The following NCALD variants were observed in gnomAD, a reference collection of about 807,000 sequenced individuals.
NCALD encodes neurocalcin delta, also known as neurocalcin-delta.
In NCALD, 10 loss-of-function variants were observed where a neutral mutation model predicts 18.6. That is an observed-to-expected ratio of 0.54 (90% confidence interval 0.33 to 0.91). The LOEUF is 0.91. NCALD is among the 40% of genes least tolerant of loss of function. The pLI, the probability that NCALD is intolerant of heterozygous loss-of-function variation, is 0.03. For synonymous variants in NCALD, 88 were observed against 87.4 expected, an observed-to-expected ratio of 1.01 and a Z score of -0.04; for missense variants, 184 against 247.6, an observed-to-expected ratio of 0.74 and a Z score of 1.72.
chr8:102,057,403 C>T (rs1374245600), intron 1 of NCALD, among the ~76,000 whole-genome samples: 4 of 152,102 alleles, frequency 2.6e-5, no homozygotes, highest in African/African-American at 4.8e-5. Context: ...CTTCAACTTA[C>T]GACCTCAACA....
chr8:102,106,285 G>A (rs1196911561), intron 1 of NCALD, among the ~76,000 whole-genome samples: 1 of 151,776 alleles, frequency 6.6e-6, no homozygotes, highest in Non-Finnish European at 1.5e-5. Flanking sequence ...TGTTGGCCAG[G>A]CTGGTCTCAA....
intron 4 of NCALD, chr8:101,852,536 A>C (rs904615004): frequency 6.6e-6 from 1 of 152,214 alleles, no homozygotes; most frequent in Non-Finnish European, 1.5e-5. Context: ...TTCAGTCTCC[A>C]TCTTTGGGGC....
chr8:101,992,913 C>T (rs1821104291), intron 2 of NCALD, among the ~76,000 whole-genome samples: 1 of 150,816 alleles, frequency 6.6e-6, no homozygotes, highest in Non-Finnish European at 1.5e-5. Context: ...TCGAACAACC[C>T]TATAAAGTAG....
chr8:101,714,890 G>T (rs188652236), intron 2 of NCALD, among the ~76,000 whole-genome samples: 1 of 150,704 alleles, frequency 6.6e-6, no homozygotes, highest in Non-Finnish European at 1.5e-5. Context: ...CCAGCTACTC[G>T]GGAGGCTGAG....
chr8:101,917,324 C>T (rs1818006020), intron 2 of NCALD, among the ~76,000 whole-genome samples: 1 of 152,038 alleles, frequency 6.6e-6, no homozygotes, highest in African/African-American at 2.4e-5. Context: ...ACATCAACAT[C>T]TCTGGGATTC....
chr8:101,820,153 G>T (rs75018358), intron 4 of NCALD, among the ~76,000 whole-genome samples: 3,206 of 152,184 alleles, frequency 0.021, 116 homozygotes, highest in East Asian at 0.12. Flanking sequence ...AAGACAATTC[G>T]CCCATCTCCT....
chr8:101,769,574 C>A (rs143594540), intron 1 of NCALD, among the ~76,000 whole-genome samples: 3 of 152,046 alleles, frequency 2.0e-5, no homozygotes, highest in African/African-American at 7.2e-5. Flanking sequence ...CTAAAACCAG[C>A]AGGCATGATT....
At chr8:102,103,203 C>T (rs1056635130) in intron 1 of NCALD, among the ~76,000 whole-genome samples, 7 of 150,786 alleles carry the variant, frequency 4.6e-5, no homozygotes, top group Non-Finnish European at 8.9e-5. Flanking sequence ...CTCTACTGTA[C>T]TTGCCAACGA....
At chr8:101,692,015 G>T in intron 3 of NCALD, 2 of 981,060 alleles carry the variant, frequency 2.0e-6, no homozygotes, top group Non-Finnish European at 2.4e-6. Flanking sequence ...ATGATGCCCC[G>T]TTAACTTTGA....
chr8:101,891,186 G>C (rs923846423), intron 3 of NCALD, among the ~76,000 whole-genome samples: 2 of 151,738 alleles, frequency 1.3e-5, no homozygotes, highest in Non-Finnish European at 2.9e-5. Flanking sequence ...GTACATCCAT[G>C]TTACCACCAC....
chr8:102,003,024 G>C (rs376703031), intron 2 of NCALD, among the ~76,000 whole-genome samples: 1 of 151,982 alleles, frequency 6.6e-6, no homozygotes, highest in Non-Finnish European at 1.5e-5. Context: ...AAGTAACTAA[G>C]ATCAGAGCAG....
chr8:101,836,298 T>C (rs554098906), intron 4 of NCALD, among the ~76,000 whole-genome samples: 1 of 152,302 alleles, frequency 6.6e-6, no homozygotes, highest in South Asian at 2.1e-4. Context: ...GATATACAAA[T>C]TGTGTTAGGT....
At chr8:102,082,785 C>T (rs1028384631) in intron 1 of NCALD, among the ~76,000 whole-genome samples, 2 of 152,130 alleles carry the variant, frequency 1.3e-5, no homozygotes, top group Non-Finnish European at 2.9e-5. Context: ...ATTTCCTGGC[C>T]GTAAGAGGCT....
chr8:102,085,947 T>C (rs187489079), intron 1 of NCALD, among the ~76,000 whole-genome samples: 1 of 152,234 alleles, frequency 6.6e-6, no homozygotes, highest in African/African-American at 2.4e-5. Context: ...GGTCATCTGA[T>C]TTCCTATTTT....
chr8:101,992,831 C>A (rs1821099527), intron 2 of NCALD, among the ~76,000 whole-genome samples: 1 of 151,902 alleles, frequency 6.6e-6, no homozygotes, highest in African/African-American at 2.4e-5. Context: ...TATTCTTATC[C>A]TTTACTGAGC....
At chr8:101,928,465 A>T (rs1818419244) in intron 2 of NCALD, among the ~76,000 whole-genome samples, 1 of 152,088 alleles carries the variant, frequency 6.6e-6, no homozygotes, top group Non-Finnish European at 1.5e-5. Context: ...ATAATTTTTC[A>T]ACTTTTTGCC....
intron 1 of NCALD, among the ~76,000 whole-genome samples, chr8:102,067,886 T>C (rs1824059264): frequency 6.6e-6 from 1 of 152,196 alleles, no homozygotes; most frequent in African/African-American, 2.4e-5. Flanking sequence ...TCTTTCCTGG[T>C]CTAATACAAT....
chr8:101,786,721 A>G (rs190555199), intron 1 of NCALD, among the ~76,000 whole-genome samples: 154 of 152,334 alleles, frequency 1.0e-3, no homozygotes, highest in Admixed American at 2.4e-3. Context: ...GTCTTCCTGC[A>G]GTCACTGGGA....
Position 101,701,184 on chromosome 8 carries a change from G to A in NCALD, c.379-8288C>T, listed in dbSNP as rs534266401. 2.2e-3 allele frequency among the ~76,000 whole-genome samples: 329 copies of A among 152,264 alleles called. 1 individual carries two copies. The highest frequency in any genetic ancestry group is 7.1e-3 in the African/African-American group (296 of 41,548). On this transcript the variant is annotated intron_variant, in intron 2 of 3. Transcript: ENST00000220931. ...CCCACGGCATCAACAACCGAGAGCT[G>A]ATTGTATCAGAACTTTAAAATCTGG...
Sources: allele counts gnomAD v4.1 joint callset (sites outside exome capture counted in the v4.1 genomes callset), GRCh38; gene constraint gnomAD v4.1.1; transcripts MANE v1.5; gene names NCBI Gene and HGNC (gene_info 2026-07-23, HGNC 2026-07-21).